Variants in STIM2 observed in about 807,000 individuals in gnomAD.
STIM2 encodes stromal interaction molecule 2.
Under a neutral mutation model 85.8 loss-of-function variants are expected in STIM2, and 31 were observed. The observed-to-expected ratio is 0.36, with a 90% CI of 0.27 to 0.49. The LOEUF (loss-of-function observed/expected upper bound fraction) is 0.49. STIM2 is among the 20% of genes least tolerant of loss of function. The probability of loss-of-function intolerance (pLI) is 0.98; values close to 1 mark genes in which losing one functional copy is unlikely to be tolerated. For missense variants in STIM2, 841 were observed against 927.6 expected, an observed-to-expected ratio of 0.91 and a Z score of 1.21; for synonymous variants, 356 against 331.1, an observed-to-expected ratio of 1.08 and a Z score of -0.82.
intron 3 of STIM2, among the ~76,000 whole-genome samples, chr4:26,965,499 T>C (rs1051843270): frequency 2.8e-4 from 43 of 152,176 alleles, no homozygotes; most frequent in African/African-American, 1.0e-3. Flanking sequence ...ATTATCCAAA[T>C]GAGTTCAGAG....
intron 1 of STIM2, among the ~76,000 whole-genome samples, chr4:26,896,150 C>G (rs961992101): frequency 1.3e-5 from 2 of 152,184 alleles, no homozygotes; most frequent in Non-Finnish European, 2.9e-5. Context: ...TAGGAATAGC[C>G]TGTTGTTGCC....
intron 3 of STIM2, among the ~76,000 whole-genome samples, chr4:26,975,872 G>A (rs927784530): frequency 6.6e-6 from 1 of 152,156 alleles, no homozygotes; most frequent in Non-Finnish European, 1.5e-5. Context: ...GAGTCTAGAG[G>A]CAGTAGGCCT....
At chr4:26,877,618 T>C (rs1722859879) in intron 1 of STIM2, among the ~76,000 whole-genome samples, 1 of 152,036 alleles carries the variant, frequency 6.6e-6, no homozygotes, top group Non-Finnish European at 1.5e-5. Flanking sequence ...GTTGGTATGG[T>C]AGGTTGAGTT....
intron 1 of STIM2, among the ~76,000 whole-genome samples, chr4:26,897,858 T>G (rs998614087): frequency 1.3e-5 from 2 of 152,144 alleles, no homozygotes; most frequent in Non-Finnish European, 2.9e-5. Flanking sequence ...CTTGACCTTC[T>G]GGGGTCAAGG....
chr4:26,977,916 G>A (rs1001422594), intron 3 of STIM2, among the ~76,000 whole-genome samples: 1 of 152,168 alleles, frequency 6.6e-6, no homozygotes, highest in Non-Finnish European at 1.5e-5. Context: ...CCAGGAGAAT[G>A]TGGGGACCTA....
chr4:26,906,377 A>C (rs963037652), intron 1 of STIM2, among the ~76,000 whole-genome samples: 1 of 151,792 alleles, frequency 6.6e-6, no homozygotes, highest in East Asian at 1.9e-4. Context: ...CCCCTGTGAC[A>C]CACAGTTTAC....
chr4:26,929,112 T>C (rs1725105424), intron 2 of STIM2, among the ~76,000 whole-genome samples: 1 of 152,210 alleles, frequency 6.6e-6, no homozygotes, highest in African/African-American at 2.4e-5. Context: ...ATATTAAATA[T>C]CTAATTTGAA....
intron 2 of STIM2, among the ~76,000 whole-genome samples, chr4:26,927,664 A>G (rs1275431638): frequency 1.3e-5 from 1 of 78,982 alleles, no homozygotes; most frequent in African/African-American, 4.9e-5. Context: ...CATGTACCCT[A>G]AAACTTAGAG....
chr4:26,959,487 G>A (rs528709015), intron 3 of STIM2, among the ~76,000 whole-genome samples: 1 of 151,308 alleles, frequency 6.6e-6, no homozygotes, highest in South Asian at 2.1e-4. Context: ...TTTCCCCATC[G>A]TGTATCACCT....
At chr4:26,891,058 G>C (rs1723457838) in intron 1 of STIM2, among the ~76,000 whole-genome samples, 1 of 152,198 alleles carries the variant, frequency 6.6e-6, no homozygotes, top group Non-Finnish European at 1.5e-5. Flanking sequence ...GCCTTTTCTT[G>C]TTCTGGGCCA....
At chr4:27,019,201 T>G (rs899284908) in intron 11 of STIM2, among the ~76,000 whole-genome samples, 4 of 152,196 alleles carry the variant, frequency 2.6e-5, no homozygotes, top group African/African-American at 9.7e-5. Context: ...ATGTGACTCT[T>G]TAGGTGACAT....
At chr4:26,935,328 C>T (rs748198081) in intron 2 of STIM2, among the ~76,000 whole-genome samples, 1 of 152,114 alleles carries the variant, frequency 6.6e-6, no homozygotes. Context: ...TCTTTGTTTA[C>T]GTATATGTAA....
intron 3 of STIM2, among the ~76,000 whole-genome samples, chr4:26,974,711 C>A (rs141963298): frequency 1.3e-5 from 2 of 152,048 alleles, no homozygotes; most frequent in Non-Finnish European, 2.9e-5. Context: ...GACAATTATG[C>A]GTCTTGGTGT....
chr4:27,008,050 G>T, intron 8 of STIM2: 1 of 711,286 alleles, frequency 1.4e-6, no homozygotes, highest in South Asian at 1.5e-5. Flanking sequence ...AAATTGTGTG[G>T]AATGAGAATA....
Position 26,942,120 on chromosome 4 carries a change from GT to G in STIM2, c.283-15485del, listed in dbSNP as rs573073979. 3.6e-3 allele frequency among the ~76,000 whole-genome samples: 541 copies of G among 152,236 alleles called. 3 individuals are homozygous for G. Among genetic ancestry groups the G allele is most frequent in the African/African-American group, 0.012 (518 of 41,538 alleles). ...TAGATGTTACGATTGGGGTTGGGAA[GT>G]TTTTTTCTCTCACTGTCTGTGTCAG... On this transcript the variant is annotated intron_variant, in intron 2 of 11. Transcript: ENST00000467087.
intron 1 of STIM2, among the ~76,000 whole-genome samples, chr4:26,867,357 A>G (rs1396625503): frequency 1.3e-5 from 2 of 152,250 alleles, no homozygotes; most frequent in Admixed American, 6.5e-5. Flanking sequence ...TTAAAAAAAT[A>G]TAATCGGGCT....
intron 2 of STIM2, among the ~76,000 whole-genome samples, chr4:26,941,597 G>T (rs1725613405): frequency 6.6e-6 from 1 of 152,086 alleles, no homozygotes; most frequent in South Asian, 2.1e-4. Flanking sequence ...GAATCTCACT[G>T]ATGGCAGCGA....
In STIM2 at chr4:26,897,050, GTAAA is replaced by G. The variant is rs1323634715; in HGVS notation, c.152-22451_152-22448del. Among the ~76,000 whole-genome samples, 8 of 152,294 alleles carry G rather than the reference GTAAA, an allele frequency of 5.3e-5. No individual in the cohort carries two copies. The East Asian group carries it at 1.5e-3, about 29-fold the overall frequency. ...ATTGTTTGTTCCTTTTTATTGATGA[GTAAA>G]TATTTCATTGTATGGAGGTACCTCA... On this transcript the variant is annotated intron_variant, in intron 1 of 11. Transcript: ENST00000467087.
intron 1 of STIM2, among the ~76,000 whole-genome samples, chr4:26,899,140 A>G (rs1723825578): frequency 6.6e-6 from 1 of 152,054 alleles, no homozygotes; most frequent in South Asian, 2.1e-4. Context: ...CATTTTATCA[A>G]GCATTAATGT....
Sources: gnomAD v4.1 joint callset for allele counts (sites outside exome capture counted in the v4.1 genomes callset) on GRCh38, gnomAD v4.1.1 for gene constraint, MANE v1.5 for transcripts, NCBI Gene and HGNC (gene_info 2026-07-23, HGNC 2026-07-21) for gene names.